The following GRIA2 variants were observed in gnomAD, a reference collection of about 807,000 sequenced individuals.
The protein encoded by GRIA2 is glutamate receptor 2.
Under a neutral mutation model 97.3 loss-of-function variants are expected in GRIA2, and 14 were observed. The ratio of observed to expected loss-of-function variants is 0.14; its 90% CI spans 0.10 to 0.23. The LOEUF (loss-of-function observed/expected upper bound fraction) is 0.23. Ranked by LOEUF, GRIA2 falls within the 10% of genes least tolerant of loss-of-function variation. The pLI is 1.00. For missense variants in GRIA2, 558 were observed against 1,069.8 expected (o/e 0.52, Z 6.67); for synonymous variants, 412 against 387.8 (o/e 1.06, Z -0.73).
At chr4:157,254,985 A>G (rs1445757769) in intron 2 of GRIA2, among the ~76,000 whole-genome samples, 1 of 152,056 alleles carries the variant, frequency 6.6e-6, no homozygotes, top group Non-Finnish European at 1.5e-5. Context: ...AGATGGATAT[A>G]TTAGGTAGTG....
At chr4:157,278,900 A>G (rs1269705617) in intron 2 of GRIA2, among the ~76,000 whole-genome samples, 3 of 152,056 alleles carry the variant, frequency 2.0e-5, no homozygotes, top group Non-Finnish European at 4.4e-5. Flanking sequence ...TATTTCCACA[A>G]TAAGATACCA....
At chr4:157,263,364 T>C (rs1006184196) in intron 2 of GRIA2, among the ~76,000 whole-genome samples, 2 of 152,088 alleles carry the variant, frequency 1.3e-5, no homozygotes, top group African/African-American at 4.8e-5. Context: ...AAAATAACTT[T>C]TGGTTGTATT....
At chr4:157,293,900 C>G (rs1733219867) in intron 2 of GRIA2, among the ~76,000 whole-genome samples, 1 of 152,116 alleles carries the variant, frequency 6.6e-6, no homozygotes, top group Non-Finnish European at 1.5e-5. Context: ...TAAAGATAAT[C>G]CCTCCAATTC....
At chr4:157,283,733 GTTAGAAA>G (rs1732713467) in intron 2 of GRIA2, among the ~76,000 whole-genome samples, 4 of 151,812 alleles carry the variant, frequency 2.6e-5, no homozygotes, top group Non-Finnish European at 5.9e-5. Flanking sequence ...TTTGAAAGTT[GTTAGAAA>G]TTAATGTCTT....
chr4:157,235,276 C>T (rs1730193090), intron 2 of GRIA2, among the ~76,000 whole-genome samples: 2 of 152,146 alleles, frequency 1.3e-5, no homozygotes, highest in Admixed American at 1.3e-4. Flanking sequence ...TTAGTAGATA[C>T]CTGCTCTGTA....
intron 2 of GRIA2, among the ~76,000 whole-genome samples, chr4:157,276,275 A>G (rs1163769367): frequency 6.6e-6 from 1 of 152,106 alleles, no homozygotes; most frequent in Non-Finnish European, 1.5e-5. Context: ...ATTAAACAAC[A>G]CACTTCTAAA....
intron 12 of GRIA2, among the ~76,000 whole-genome samples, chr4:157,349,018 G>T (rs929147737): frequency 1.3e-5 from 2 of 152,162 alleles, no homozygotes; most frequent in Non-Finnish European, 2.9e-5. Flanking sequence ...ATAGCAAAAA[G>T]AATGCAGACT....
At chr4:157,251,114 T>A (rs1459254266) in intron 2 of GRIA2, among the ~76,000 whole-genome samples, 2 of 152,034 alleles carry the variant, frequency 1.3e-5, no homozygotes, top group African/African-American at 2.4e-5. Flanking sequence ...TACCTTCAAG[T>A]TTTTTATGAA....
In GRIA2 at chr4:157,315,532, T is replaced by G. The variant is rs527304290; in HGVS notation, c.667-2126T>G. On this transcript the variant is annotated intron_variant, in intron 4 of 15. Transcript: ENST00000264426. ...GGGTTTTTTTTTGTTTGTTTGTTTG[T>G]TTTGTTTTGTTTTGTTTTGTTTTGT... is the stretch of plus-strand genomic sequence containing the variant. Among the ~76,000 whole-genome samples the G allele has an allele frequency of 4.5e-4, 29 of 64,598 alleles. No homozygotes were observed. The East Asian group carries it at 7.7e-3, about 17-fold the overall frequency. The allele number at this position is 64,598 out of a possible 152,430, so 42.4% of individuals were successfully genotyped here.
Position 157,363,787 on chromosome 4 carries a change from C to A in GRIA2, c.*356C>A. On this transcript the variant is annotated 3_prime_UTR_variant, in exon 16 of 16. Coordinates refer to ENST00000264426, the MANE Select transcript of GRIA2 (RefSeq NM_001083619.3). ...CATCTTTTTCTACTCGAGTTACAGA[C>A]AAAGCGTGGTGGACATGCACAGCTA... 1 of 373,188 alleles carries A rather than the reference C, an allele frequency of 2.7e-6. No homozygotes were observed. The allele number at this position is 373,188 out of a possible 1,614,324, so 23.1% of individuals were successfully genotyped here. A position where few individuals can be genotyped will look rare whatever the true frequency, so the allele number is the denominator to read the frequency against.
At chr4:157,305,984 GA>G (rs1294955123) in intron 3 of GRIA2, among the ~76,000 whole-genome samples, 1 of 152,116 alleles carries the variant, frequency 6.6e-6, no homozygotes, top group Non-Finnish European at 1.5e-5. Context: ...GATAATGCTA[GA>G]AAGAGAGTTA....
At chr4:157,294,817 C>G (rs923787202) in intron 2 of GRIA2, among the ~76,000 whole-genome samples, 2 of 152,072 alleles carry the variant, frequency 1.3e-5, no homozygotes, top group Non-Finnish European at 2.9e-5. Context: ...ATTCATTCAG[C>G]CTGGCACTCT....
chr4:157,342,499 G>A, intron 12 of GRIA2: 12 of 973,514 alleles, frequency 1.2e-5, no homozygotes, highest in African/African-American at 3.5e-5. Flanking sequence ...GTGCAAAAAT[G>A]TGGACCATCA....
intron 2 of GRIA2, among the ~76,000 whole-genome samples, chr4:157,258,732 A>G (rs1383196581): frequency 1.3e-5 from 2 of 152,016 alleles, no homozygotes; most frequent in Non-Finnish European, 2.9e-5. Flanking sequence ...AGAACCTGCC[A>G]ACATGTGATG....
intron 2 of GRIA2, among the ~76,000 whole-genome samples, chr4:157,295,132 G>A (rs1733285802): frequency 6.6e-6 from 1 of 152,062 alleles, no homozygotes; most frequent in African/African-American, 2.4e-5. Flanking sequence ...AAATGTTATA[G>A]ATTTTTTAAA....
intron 2 of GRIA2, among the ~76,000 whole-genome samples, chr4:157,247,670 G>A (rs1390147154): frequency 2.6e-5 from 4 of 152,064 alleles, no homozygotes; most frequent in East Asian, 3.9e-4. Flanking sequence ...AGTACACTTC[G>A]ACTTTTTGTT....
At chr4:157,237,019 A>C (rs1187707876) in intron 2 of GRIA2, among the ~76,000 whole-genome samples, 5 of 152,142 alleles carry the variant, frequency 3.3e-5, no homozygotes, top group Non-Finnish European at 1.5e-5. Flanking sequence ...ATTTAGTAAA[A>C]TTTAGAAATT....
At chr4:157,353,282 G>A (rs1736097014) in intron 12 of GRIA2, among the ~76,000 whole-genome samples, 1 of 152,080 alleles carries the variant, frequency 6.6e-6, no homozygotes, top group Non-Finnish European at 1.5e-5. Flanking sequence ...AACCTGGGAG[G>A]TGGAGGTTAT....
chr4:157,241,666 G>A (rs1403626188), intron 2 of GRIA2, among the ~76,000 whole-genome samples: 3 of 152,030 alleles, frequency 2.0e-5, no homozygotes, highest in Non-Finnish European at 4.4e-5. Flanking sequence ...CTGTTTGGCT[G>A]TGTAGAACAT....
Sources: gnomAD v4.1 joint callset for allele counts (sites outside exome capture counted in the v4.1 genomes callset) on GRCh38, gnomAD v4.1.1 for gene constraint, MANE v1.5 for transcripts, NCBI Gene and HGNC (gene_info 2026-07-23, HGNC 2026-07-21) for gene names.